Variants in POLD1 observed in about 807,000 individuals in gnomAD.
POLD1 encodes DNA polymerase delta catalytic subunit.
POLD1 carries 79 observed loss-of-function variants against 129.7 expected under a neutral mutation model. The observed-to-expected ratio is 0.61, with a 90% confidence interval of 0.51 to 0.73. POLD1 has a LOEUF of 0.73. Among genes scored for constraint, POLD1 ranks in the 30% least tolerant of loss-of-function variants. The pLI, the probability that POLD1 is intolerant of heterozygous loss-of-function variation, is 0.00. For synonymous variants in POLD1, 714 were observed against 683.3 expected (o/e 1.04, Z -0.70); for missense variants, 1,338 against 1,595.8 (o/e 0.84, Z 2.75).
At chr19:50,395,876 C>CTTTTTTTTTTTTTT in intron 1 of POLD1, among the ~76,000 whole-genome samples, 1 of 73,658 alleles carries the variant, frequency 1.4e-5, no homozygotes, top group Admixed American at 2.2e-4. Context: ...AGGATATATA[C>CTTTTTTTTTTTTTT]TTTTTTTTTT....
Position 50,415,468 on chromosome 19 carries a change from G to A in POLD1, c.2595G>A (p.Gln865=), listed in dbSNP as rs1273286625. Residue 865 remains glutamine, a synonymous_variant, in exon 21 of 27, where the codon CAG becomes CAA. Coordinates refer to ENST00000440232, the MANE Select transcript of POLD1 (RefSeq NM_002691.4). ...RDPEGAVAHA[Q]DVISDLLCNR... is the part of the protein sequence containing the mutation. ...CTGAGGGCGCGGTGGCTCACGCACA[G>A]GACGTCATCTCGGACCTGCTGTGCA... is the stretch of plus-strand genomic sequence containing the variant. The A allele has an allele frequency of 6.2e-7, 1 of 1,613,138 alleles. No individual in the cohort carries two copies. The highest frequency in any genetic ancestry group is 1.1e-5 in the South Asian group (1 of 91,062).
In POLD1 at chr19:50,406,915, C is replaced by A; in HGVS notation, c.1495-68C>A. 1 of 1,330,616 alleles carries A rather than the reference C, an allele frequency of 7.5e-7. No homozygotes were observed. Among genetic ancestry groups the A allele is most frequent in the South Asian group, 1.4e-5 (1 of 74,008 alleles). The allele number at this position is 1,330,616 out of a possible 1,614,324, so 82.4% of individuals were successfully genotyped here. A position where few individuals can be genotyped will look rare whatever the true frequency, so the allele number is the denominator to read the frequency against. The stretch of plus-strand genomic sequence containing the variant: ...CCAGGCTACCTCACCCTGACCCCCA[C>A]TTCCTTCTCCTGCTCCACCTCCCAC... On this transcript the variant is annotated intron_variant, in intron 12 of 26. Transcript: ENST00000440232. The surrounding 1 kb of genome is among the most constrained non-coding windows in gnomAD (Gnocchi z 5.5).
Position 50,406,820 on chromosome 19 carries a change from T to C in POLD1, c.1495-163T>C, listed in dbSNP as rs2038903106. 6.6e-6 allele frequency among the ~76,000 whole-genome samples: 1 copy of C among 151,068 alleles called. No individual in the cohort carries two copies. Among genetic ancestry groups the C allele is most frequent in the Admixed American group, 6.6e-5 (1 of 15,182 alleles). ...CTGTGGACTCCCTGGCCCCCAACCC[T>C]ACCTCCATCCCCACCCAGACCCTGA... On this transcript the variant is annotated intron_variant, in intron 12 of 26. Transcript: ENST00000440232. This position sits in a 1 kb window ranked among gnomAD's most constrained non-coding sequence, Gnocchi z 5.5.
intron 1 of POLD1, among the ~76,000 whole-genome samples, chr19:50,389,151 A>C (rs551092892): frequency 9.3e-4 from 139 of 148,828 alleles, no homozygotes; most frequent in Non-Finnish European, 1.7e-3. Context: ...TTTTTGGTAC[A>C]GTATTTTACT....
Position 50,409,486 on chromosome 19 carries a change from G to A in POLD1, c.2007-33G>A, listed in dbSNP as rs145170604. 309 of 1,613,262 alleles carry A rather than the reference G, an allele frequency of 1.9e-4. No individual in the cohort carries two copies. The East Asian group carries it at 4.1e-3, about 21-fold the overall frequency. On this transcript the variant is annotated intron_variant, in intron 16 of 26. Transcript: ENST00000440232. The surrounding 1 kb of genome is among the most constrained non-coding windows in gnomAD (Gnocchi z 5.8). ...GAGCCCTGACCAATGCCCAGGTGCC[G>A]CCTGAGTGTGCTTTCCCCGTGTTCC...
chr19:50,399,251 C>T (rs2038490443), intron 2 of POLD1, 120 bp from the exon 3 acceptor site: 13 of 1,147,350 alleles, frequency 1.1e-5, no homozygotes, highest in Non-Finnish European at 1.7e-5. Flanking sequence ...TCATTCTCTT[C>T]CAAGTTTCCT....
In POLD1 at chr19:50,416,645, G is replaced by A. The variant is rs368319533; in HGVS notation, c.2989G>A (p.Gly997Ser). ...DHTRCKTVLT[G>S]KVGGLLAFAK... is the part of the protein sequence containing the mutation. ...CACGCGCTGCAAGACGGTGCTCACG[G>A]GCAAGGTGGGCGGCCTCCTGGCCTT... Residue 997 changes from glycine to serine, a missense_variant, in exon 24 of 27, where the codon GGC becomes AGC. By Grantham distance (56) the Gly-to-Ser change is moderately conservative. This residue lies in a region of POLD1 where 286 missense variants were observed against 277.5 expected (regional missense o/e 1.03). Transcript: ENST00000440232. The A allele has an allele frequency of 1.1e-5, 17 of 1,565,088 alleles. No individual in the cohort carries two copies. Among genetic ancestry groups the A allele is most frequent in the Non-Finnish European group, 1.5e-5 (17 of 1,159,690 alleles).
At chr19:50,414,458 C>G (rs2039201181) in intron 19 of POLD1, among the ~76,000 whole-genome samples, 1 of 152,238 alleles carries the variant, frequency 6.6e-6, no homozygotes, top group Non-Finnish European at 1.5e-5. Context: ...GACTTGGAGC[C>G]TCGCAGAGTG....
chr19:50,390,621 G>C (rs1172798033), intron 1 of POLD1, among the ~76,000 whole-genome samples: 5 of 150,914 alleles, frequency 3.3e-5, no homozygotes, highest in Admixed American at 3.3e-4. Context: ...GTGTTTCTTG[G>C]AGAGGGGGAT....
In POLD1 at chr19:50,397,922, C is replaced by T. The variant is rs3219359; in HGVS notation, c.-1-929C>T. Reference sequence around the variant, plus strand: ...CAGTGTTAAATGTCCTAGATTGTATCGTACTGTGCTCGGTGAAAGGAATTC... The same window carrying T: ...CAGTGTTAAATGTCCTAGATTGTATTGTACTGTGCTCGGTGAAAGGAATTC... On this transcript the variant is annotated intron_variant, in intron 1 of 26. Coordinates refer to ENST00000440232, the MANE Select transcript of POLD1 (RefSeq NM_002691.4). Among the ~76,000 whole-genome samples, 1,068 of 152,176 alleles carry T rather than the reference C, an allele frequency of 7.0e-3. 13 individuals carry two copies. The highest frequency in any genetic ancestry group is 0.025 in the African/African-American group (1,032 of 41,514).
Position 50,402,283 on chromosome 19 carries a change from C to T in POLD1, c.668C>T (p.Ala223Val). The T allele has an allele frequency of 6.2e-7, 1 of 1,608,734 alleles. No individual in the cohort carries two copies. ...GCGCTGCCGCGCCTCGTGGCCCCGG[C>T]CCGCCGTCTCCTGGAACAGGGCATC... The part of the protein sequence containing the change: ...TVALPRLVAP[A>V]RRLLEQGIRV... The change falls in exon 6 of 27, where the codon GCC (alanine) becomes GTC (valine). Residue 223 changes from alanine (A) to valine (V), a missense_variant. Transcript: ENST00000440232.
rs1601201552 is a variant in POLD1, at chr19:50,402,448, C to T, written c.759-6C>T. 3.1e-6 allele frequency: 5 copies of T among 1,612,824 alleles called. No homozygotes were observed. The highest frequency in any genetic ancestry group is 4.2e-6 in the Non-Finnish European group (5 of 1,179,462). On this transcript the variant is annotated splice_polypyrimidine_tract_variant and splice_region_variant and intron_variant, in intron 6 of 26. Coordinates refer to ENST00000440232, the MANE Select transcript of POLD1 (RefSeq NM_002691.4). ...CCCCTGTCCACTGACCCCCAGCCCC[C>T]TCCAGGTTCATGGTGGACACGGACA...
chr19:50,401,391 A>T (rs867535363), intron 3 of POLD1, among the ~76,000 whole-genome samples: 1,179 of 66,168 alleles, frequency 0.018, 41 homozygotes, highest in Non-Finnish European at 0.024. Flanking sequence ...ATATATATAT[A>T]TTTTTTTTTT....
In POLD1 at chr19:50,401,688, C is replaced by T. The variant is rs953492192; in HGVS notation, c.317-90C>T. 13 of 1,439,150 alleles carry T rather than the reference C, an allele frequency of 9.0e-6. No homozygotes were observed. The Middle Eastern group carries it at 6.8e-4, about 75-fold the overall frequency. 89.1% of individuals were successfully genotyped at this position (1,439,150 alleles called of 1,614,324 possible). On this transcript the variant is annotated intron_variant, in intron 3 of 26. Coordinates refer to ENST00000440232, the MANE Select transcript of POLD1 (RefSeq NM_002691.4). ...GGTACAGGGGCAGGAGTGCCCCAGG[C>T]TGCAGGCCCCAAGGTATTTCGAGGC...
chr19:50,397,388 A>G (rs746685129), intron 1 of POLD1, among the ~76,000 whole-genome samples: 2 of 150,630 alleles, frequency 1.3e-5, no homozygotes, highest in Non-Finnish European at 2.9e-5. Context: ...CTGGGCAACA[A>G]GAGTGAGATT....
chr19:50,395,928 G>A (rs950907903), intron 1 of POLD1, among the ~76,000 whole-genome samples: 2 of 112,714 alleles, frequency 1.8e-5, no homozygotes, highest in African/African-American at 7.0e-5. Context: ...ATCTTGTCCA[G>A]TCCAGTCTTA....
intron 1 of POLD1, among the ~76,000 whole-genome samples, chr19:50,396,702 G>A (rs1331025417): frequency 6.6e-6 from 1 of 151,796 alleles, no homozygotes; most frequent in South Asian, 2.1e-4. Flanking sequence ...GGATGGTCTC[G>A]ATCTCCTGAC....
intron 17 of POLD1, among the ~76,000 whole-genome samples, chr19:50,412,500 T>C (rs2039120344): frequency 6.6e-6 from 1 of 151,128 alleles, no homozygotes; most frequent in South Asian, 2.1e-4. Flanking sequence ...CAGGAAAAGA[T>C]TACAAAGGAA....
At position 50,406,858 on chromosome 19, in the gene POLD1, C is replaced by T. The variant is rs2038904503; in HGVS notation, c.1495-125C>T. The T allele has an allele frequency of 2.6e-6, 2 of 768,534 alleles. No individual in the cohort carries two copies. Among genetic ancestry groups the T allele is most frequent in the African/African-American group, 1.7e-5 (1 of 57,740 alleles). The allele number at this position is 768,534 out of a possible 1,614,324, so 47.6% of individuals were successfully genotyped here. ...ACCCAGACCCTGACGACTTGGAGGGCCCTCCTGCCCGCCTCACCTCCCAGG... is the reference window on the plus strand; with the variant it reads ...ACCCAGACCCTGACGACTTGGAGGGTCCTCCTGCCCGCCTCACCTCCCAGG... On this transcript the variant is annotated intron_variant, in intron 12 of 26. Transcript: ENST00000440232. The surrounding 1 kb of genome is among the most constrained non-coding windows in gnomAD (Gnocchi z 5.5).
Sources: allele counts gnomAD v4.1 joint callset (sites outside exome capture counted in the v4.1 genomes callset), GRCh38; gene constraint gnomAD v4.1.1; regional missense constraint gnomAD v4.1.1; non-coding constraint Gnocchi (gnomAD v3.1); transcripts MANE v1.5; gene names NCBI Gene and HGNC (gene_info 2026-07-23, HGNC 2026-07-21).